Variants in HMBOX1 observed in about 807,000 individuals in gnomAD.
HMBOX1 encodes homeobox-containing protein 1.
In HMBOX1, 14 loss-of-function variants were observed where a neutral mutation model predicts 54.5. The ratio of observed to expected loss-of-function variants is 0.26; its 90% CI spans 0.17 to 0.40. HMBOX1 has a LOEUF of 0.40. Ranked by LOEUF, HMBOX1 falls within the 10% of genes least tolerant of loss-of-function variation. The pLI is 1.00. For missense variants in HMBOX1, 332 were observed against 514.4 expected (o/e 0.65, Z 3.43); for synonymous variants, 160 against 181.0 (o/e 0.88, Z 0.93).
chr8:29,030,000 T>A (rs1487839487), intron 6 of HMBOX1, among the ~76,000 whole-genome samples: 6 of 152,050 alleles, frequency 3.9e-5, no homozygotes, highest in Non-Finnish European at 1.5e-5. Flanking sequence ...CCTTACCTTC[T>A]GGTACTTTAG....
chr8:29,050,200 A>T (rs988630897), intron 9 of HMBOX1: 12 of 983,394 alleles, frequency 1.2e-5, no homozygotes, highest in Non-Finnish European at 1.4e-5. Flanking sequence ...TTTTTCCTTA[A>T]GGGACTTACC....
intron 1 of HMBOX1, among the ~76,000 whole-genome samples, chr8:28,894,934 A>G (rs1199155426): frequency 6.7e-6 from 1 of 148,998 alleles, no homozygotes; most frequent in East Asian, 1.9e-4. Flanking sequence ...GTTTTTTTTT[A>G]ACATTTGCAA....
At chr8:28,908,624 G>C (rs992904871) in intron 1 of HMBOX1, among the ~76,000 whole-genome samples, 2 of 152,026 alleles carry the variant, frequency 1.3e-5, no homozygotes, top group African/African-American at 4.8e-5. Flanking sequence ...GCATGGTGGC[G>C]CATGCCTGTA....
intron 6 of HMBOX1, among the ~76,000 whole-genome samples, chr8:29,025,498 T>G (rs1801880093): frequency 6.6e-6 from 1 of 152,212 alleles, no homozygotes; most frequent in South Asian, 2.1e-4. Flanking sequence ...GTTATGAGAA[T>G]TATTTGAGAT....
At chr8:28,919,074 A>T (rs775509715) in intron 1 of HMBOX1, among the ~76,000 whole-genome samples, 5 of 152,234 alleles carry the variant, frequency 3.3e-5, no homozygotes, top group African/African-American at 7.2e-5. Flanking sequence ...CTCAGTGTTC[A>T]TGTCATAAAT....
At chr8:28,900,194 G>A (rs1425478403) in intron 1 of HMBOX1, among the ~76,000 whole-genome samples, 7 of 147,018 alleles carry the variant, frequency 4.8e-5, no homozygotes, top group African/African-American at 1.8e-4. Context: ...GGCAGAGGTT[G>A]CAGTGAGCTG....
chr8:28,892,344 G>A (rs746662540), intron 1 of HMBOX1, among the ~76,000 whole-genome samples: 8 of 151,978 alleles, frequency 5.3e-5, no homozygotes, highest in Non-Finnish European at 1.2e-4. Flanking sequence ...GGAAAGGATT[G>A]CAACATCTCT....
intron 1 of HMBOX1, among the ~76,000 whole-genome samples, chr8:28,918,914 A>G (rs1817056555): frequency 6.6e-6 from 1 of 152,258 alleles, no homozygotes; most frequent in African/African-American, 2.4e-5. Flanking sequence ...TAAAAACAGC[A>G]GGAACTTCTG....
intron 4 of HMBOX1, among the ~76,000 whole-genome samples, chr8:28,996,253 T>C (rs905583080): frequency 2.0e-5 from 3 of 147,838 alleles, no homozygotes; most frequent in South Asian, 4.5e-4. Flanking sequence ...TTGAGTTCTT[T>C]ATGTAAGTTC....
At chr8:28,897,615 G>A (rs757701088) in intron 1 of HMBOX1, among the ~76,000 whole-genome samples, 2 of 152,190 alleles carry the variant, frequency 1.3e-5, no homozygotes, top group Non-Finnish European at 2.9e-5. Flanking sequence ...GGCGGAGGTT[G>A]CAGTGAGCCA....
Position 28,943,305 on chromosome 8 carries a change from G to A in HMBOX1, c.-57-20506G>A, listed in dbSNP as rs144754245. Among the ~76,000 whole-genome samples the A allele has an allele frequency of 3.5e-4, 53 of 152,288 alleles. 1 individual carries two copies. In the East Asian group the frequency reaches 6.2e-3, roughly 18 times the overall value. On this transcript the variant is annotated intron_variant, in intron 1 of 9. Transcript: ENST00000287701. ...AAATGAAGACCCAAGGAAGCAGTGA[G>A]GACCAAAAGCTTATATACTGAGTGG...
At chr8:28,915,251 C>T (rs1816280265) in intron 1 of HMBOX1, among the ~76,000 whole-genome samples, 1 of 152,148 alleles carries the variant, frequency 6.6e-6, no homozygotes, top group South Asian at 2.1e-4. Context: ...AGATGAAATT[C>T]ATTTTTTTTA....
chr8:28,906,258 T>C (rs1480018390), intron 1 of HMBOX1, among the ~76,000 whole-genome samples: 2 of 152,250 alleles, frequency 1.3e-5, no homozygotes, highest in Non-Finnish European at 2.9e-5. Flanking sequence ...CCTTCTTTCC[T>C]GCACTTTCTG....
chr8:28,962,070 A>C (rs553101092), intron 1 of HMBOX1, among the ~76,000 whole-genome samples: 31 of 151,856 alleles, frequency 2.0e-4, no homozygotes, highest in Non-Finnish European at 3.2e-4. Flanking sequence ...CATTGCACTC[A>C]GTGTGGATGT....
intron 3 of HMBOX1, among the ~76,000 whole-genome samples, chr8:28,976,760 G>A (rs2132431780): frequency 6.9e-6 from 1 of 144,142 alleles, no homozygotes; most frequent in South Asian, 2.2e-4. Flanking sequence ...AGGTTGGAGT[G>A]CAGTGGCACG....
intron 1 of HMBOX1, among the ~76,000 whole-genome samples, chr8:28,955,318 T>C (rs1824218287): frequency 6.6e-6 from 1 of 150,728 alleles, no homozygotes; most frequent in Admixed American, 6.6e-5. Flanking sequence ...CGCACACCCA[T>C]TCTTCACCCC....
At chr8:29,006,258 G>T (rs1432894273) in intron 4 of HMBOX1, among the ~76,000 whole-genome samples, 1 of 152,072 alleles carries the variant, frequency 6.6e-6, no homozygotes, top group Non-Finnish European at 1.5e-5. Flanking sequence ...CTCCCAAAGT[G>T]CCGGGATTAC....
At chr8:28,897,058 C>T (rs1456615456) in intron 1 of HMBOX1, among the ~76,000 whole-genome samples, 1 of 150,454 alleles carries the variant, frequency 6.6e-6, no homozygotes, top group African/African-American at 2.5e-5. Context: ...GATGTCATCT[C>T]ACCGCAACTT....
At chr8:28,935,204 G>A (rs1479473312) in intron 1 of HMBOX1, among the ~76,000 whole-genome samples, 1 of 152,098 alleles carries the variant, frequency 6.6e-6, no homozygotes, top group East Asian at 1.9e-4. Flanking sequence ...TTTCCAAATT[G>A]TTGATAGGTT....
Sources: allele counts gnomAD v4.1 joint callset (sites outside exome capture counted in the v4.1 genomes callset), GRCh38; gene constraint gnomAD v4.1.1; transcripts MANE v1.5; gene names NCBI Gene and HGNC (gene_info 2026-07-23, HGNC 2026-07-21).